The following LYRM7 variants were observed in gnomAD, a reference collection of about 807,000 sequenced individuals.
LYRM7 encodes the protein LYR motif containing 7, also known as complex III assembly factor LYRM7.
Under a neutral mutation model 15.8 loss-of-function variants are expected in LYRM7, and 9 were observed. The ratio of observed to expected loss-of-function variants is 0.57; its 90% CI spans 0.34 to 0.99. The LOEUF (loss-of-function observed/expected upper bound fraction) is 0.99, where lower values mean the gene tolerates loss of function less well. Ranked by LOEUF, LYRM7 falls within the 50% of genes least tolerant of loss-of-function variation. The pLI, the probability that LYRM7 is intolerant of heterozygous loss-of-function variation, is 0.02. For missense variants in LYRM7, 115 were observed against 119.1 expected, an observed-to-expected ratio of 0.97 and a Z score of 0.16; for synonymous variants, 39 against 39.4, an observed-to-expected ratio of 0.99 and a Z score of 0.04.
At position 131,201,116 on chromosome 5, in the gene LYRM7, C is replaced by A. The variant is rs927205153; in HGVS notation, c.*1515C>A. On this transcript the variant is annotated 3_prime_UTR_variant, in exon 5 of 5. Transcript: ENST00000379380. ...AGATCACAAGGTCAGGAGTTCGAGA[C>A]CAGCCTGGCCAATGTGGTGAAACCC... 4 of 151,204 alleles carry A rather than the reference C, an allele frequency of 2.6e-5. No individual in the cohort carries two copies. Among genetic ancestry groups the A allele is most frequent in the Admixed American group, 2.6e-4 (4 of 15,162 alleles). The allele number at this position is 151,204 out of a possible 1,614,324, so 9.4% of individuals were successfully genotyped here. A position where few individuals can be genotyped will look rare whatever the true frequency, so the allele number is the denominator to read the frequency against.
rs1234499667 is a variant in LYRM7 at position 131,202,578 on chromosome 5, CAT to C, written c.*2979_*2980del. 6.5e-6 allele frequency: 1 copy of C among 152,834 alleles called. No individual in the cohort carries two copies. Among genetic ancestry groups the C allele is most frequent in the African/African-American group, 2.4e-5 (1 of 41,456 alleles). The allele number at this position is 152,834 out of a possible 1,614,324, so 9.5% of individuals were successfully genotyped here. ...TGCAGTAGCTATTCATAGGCACAGT[CAT>C]AGCACACTGCAGCCTAGAATTTCTG... On this transcript the variant is annotated 3_prime_UTR_variant, in exon 5 of 5. Transcript: ENST00000379380.
chr5:131,177,720 T>C (rs1445133732), intron 1 of LYRM7, among the ~76,000 whole-genome samples: 3 of 152,214 alleles, frequency 2.0e-5, no homozygotes, highest in Non-Finnish European at 4.4e-5. Flanking sequence ...GGTGGAACCC[T>C]TTCTATCTTG....
chr5:131,189,360 A>G lies in LYRM7; in HGVS notation c.244+2251A>G, dbSNP rs1160113289. On this transcript the variant is annotated intron_variant, in intron 4 of 4. Coordinates refer to ENST00000379380, the MANE Select transcript of LYRM7 (RefSeq NM_181705.4). The stretch of plus-strand genomic sequence containing the variant: ...CTGGAGGCTGAGGCAGGAGAATGGC[A>G]TGAACCCGGGAGGCGGAGCTTGCAG... Among the ~76,000 whole-genome samples the G allele has an allele frequency of 3.5e-5, 5 of 142,878 alleles. No individual in the cohort carries two copies. The South Asian group carries it at 7.0e-4, about 20-fold the overall frequency. 93.7% of individuals were successfully genotyped at this position (142,878 alleles called of 152,430 possible).
At chr5:131,190,330 A>G (rs1040657985) in intron 4 of LYRM7, among the ~76,000 whole-genome samples, 5 of 149,092 alleles carry the variant, frequency 3.4e-5, no homozygotes, top group African/African-American at 7.4e-5. Context: ...TGGGTAGCTG[A>G]TATTACAAGC....
chr5:131,187,976 G>A (rs901668751), intron 4 of LYRM7, among the ~76,000 whole-genome samples: 1 of 151,960 alleles, frequency 6.6e-6, no homozygotes, highest in Admixed American at 6.6e-5. Flanking sequence ...AAAATTGTTG[G>A]CCAGGTGCAG....
chr5:131,181,396 A>T (rs1349891282), intron 2 of LYRM7, among the ~76,000 whole-genome samples: 1 of 90,832 alleles, frequency 1.1e-5, no homozygotes, highest in Non-Finnish European at 1.8e-5. Context: ...ATACATATAT[A>T]TTATATATAC....
chr5:131,173,997 T>C (rs1755561611), intron 1 of LYRM7, among the ~76,000 whole-genome samples: 1 of 152,220 alleles, frequency 6.6e-6, no homozygotes, highest in African/African-American at 2.4e-5. Context: ...ACACAAAAGA[T>C]TTATCTGTAG....
intron 1 of LYRM7, among the ~76,000 whole-genome samples, chr5:131,176,738 T>G (rs1365618195): frequency 6.6e-6 from 1 of 151,788 alleles, no homozygotes; most frequent in Non-Finnish European, 1.5e-5. Flanking sequence ...CTCCTCCCTT[T>G]TGGCGTCTCC....
chr5:131,198,729 G>T (rs1447932058), intron 4 of LYRM7, among the ~76,000 whole-genome samples: 1 of 149,054 alleles, frequency 6.7e-6, no homozygotes, highest in East Asian at 1.9e-4. Context: ...ACCACACCCA[G>T]CTGATTTTTT....
chr5:131,180,707 T>C (rs964497586), intron 2 of LYRM7, among the ~76,000 whole-genome samples: 13 of 152,210 alleles, frequency 8.5e-5, no homozygotes, highest in African/African-American at 3.1e-4. Context: ...CTAGGTAAAG[T>C]GTCCCCACTG....
chr5:131,198,245 A>T (rs1580701470), intron 4 of LYRM7, among the ~76,000 whole-genome samples: 1 of 152,276 alleles, frequency 6.6e-6, no homozygotes, highest in Non-Finnish European at 1.5e-5. Context: ...AAACCAGGGT[A>T]TTAATATTGA....
chr5:131,176,005 C>T (rs971473068), intron 1 of LYRM7, among the ~76,000 whole-genome samples: 1 of 152,200 alleles, frequency 6.6e-6, no homozygotes, highest in African/African-American at 2.4e-5. Context: ...AGCGATCCAC[C>T]CACCTCAGCT....
intron 1 of LYRM7, among the ~76,000 whole-genome samples, chr5:131,175,084 A>T (rs1393519259): frequency 6.6e-6 from 1 of 151,838 alleles, no homozygotes; most frequent in Non-Finnish European, 1.5e-5. Context: ...AAACAGATGC[A>T]CTTTGTTGAT....
rs746794491 is a variant in LYRM7 at position 131,171,051 on chromosome 5, G to C, written c.18+13G>C. 25 of 1,526,238 alleles carry C rather than the reference G, an allele frequency of 1.6e-5. No homozygotes were observed. Among genetic ancestry groups the C allele is most frequent in the Non-Finnish European group, 2.0e-5 (23 of 1,147,394 alleles). The allele number at this position is 1,526,238 out of a possible 1,614,324, so 94.5% of individuals were successfully genotyped here. A position where few individuals can be genotyped will look rare whatever the true frequency, so the allele number is the denominator to read the frequency against. On this transcript the variant is annotated intron_variant, in intron 1 of 4. Coordinates refer to ENST00000379380, the MANE Select transcript of LYRM7 (RefSeq NM_181705.4). ...ACGGGCAGTCAAGGTGACAGGGCCCGGGAAGGGGTGGGTACGATGCCGTCG... is the reference window on the plus strand; with the variant it reads ...ACGGGCAGTCAAGGTGACAGGGCCCCGGAAGGGGTGGGTACGATGCCGTCG...
At chr5:131,175,204 T>C (rs1755582064) in intron 1 of LYRM7, among the ~76,000 whole-genome samples, 1 of 151,088 alleles carries the variant, frequency 6.6e-6, no homozygotes, top group African/African-American at 2.5e-5. Flanking sequence ...TCTCTTTTTT[T>C]TTTTTTTTTT....
At chr5:131,176,457 A>G (rs967606698) in intron 1 of LYRM7, among the ~76,000 whole-genome samples, 1 of 148,534 alleles carries the variant, frequency 6.7e-6, no homozygotes, top group Admixed American at 6.7e-5. Context: ...TGAGGTTTAG[A>G]TTTGTGTTTC....
At chr5:131,195,011 C>T (rs1374005589) in intron 4 of LYRM7, among the ~76,000 whole-genome samples, 1 of 152,158 alleles carries the variant, frequency 6.6e-6, no homozygotes, top group Non-Finnish European at 1.5e-5. Flanking sequence ...CACCTGTTAT[C>T]CCGGCACTTT....
chr5:131,198,481 C>G (rs1287015429), intron 4 of LYRM7, among the ~76,000 whole-genome samples: 1 of 152,072 alleles, frequency 6.6e-6, no homozygotes, highest in African/African-American at 2.4e-5. Flanking sequence ...GAAGGTCGTG[C>G]AAGCATTTTT....
intron 4 of LYRM7, among the ~76,000 whole-genome samples, chr5:131,197,585 A>G (rs1755987361): frequency 8.7e-6 from 1 of 115,314 alleles, no homozygotes; most frequent in South Asian, 3.0e-4. Flanking sequence ...TCTGTCTCCC[A>G]GGCTGGAGTG....
Sources: allele counts gnomAD v4.1 joint callset (sites outside exome capture counted in the v4.1 genomes callset), GRCh38; gene constraint gnomAD v4.1.1; transcripts MANE v1.5; gene names NCBI Gene and HGNC (gene_info 2026-07-23, HGNC 2026-07-21).